The following CHL1 variants were observed in gnomAD, a reference collection of about 807,000 sequenced individuals.
CHL1 encodes the protein neural cell adhesion molecule L1-like protein.
Under a neutral mutation model 141.9 loss-of-function variants are expected in CHL1, and 96 were observed. The observed-to-expected ratio is 0.68, with a 90% CI of 0.57 to 0.80. The LOEUF is 0.80. CHL1 is among the 30% of genes least tolerant of loss of function. CHL1 has a pLI of 0.00. For synonymous variants in CHL1, 613 were observed against 502.2 expected (o/e 1.22, Z -2.95); for missense variants, 1,820 against 1,457.2 (o/e 1.25, Z -4.05).
intron 2 of CHL1, among the ~76,000 whole-genome samples, chr3:282,072 A>G (rs1696710167): frequency 6.6e-6 from 1 of 151,836 alleles, no homozygotes; most frequent in African/African-American, 2.4e-5. Context: ...TTATTCCTTC[A>G]TATCTGCCTT....
intron 16 of CHL1, among the ~76,000 whole-genome samples, chr3:379,535 C>T (rs1706765701): frequency 6.6e-6 from 1 of 152,068 alleles, no homozygotes; most frequent in East Asian, 1.9e-4. Context: ...TGTCAGGCTC[C>T]GTGCGCTTTG....
rs1697322671 is a variant in CHL1, at chr3:287,973, G to A, written c.-94-31710G>A. ...AGTAGAGATGGGGTTTTACCCTGTTGGCCAGGCTGGTCTCAAACTCCTGAC... is the reference window on the plus strand; with the variant it reads ...AGTAGAGATGGGGTTTTACCCTGTTAGCCAGGCTGGTCTCAAACTCCTGAC... On this transcript the variant is annotated intron_variant, in intron 2 of 27. Coordinates refer to ENST00000256509, the MANE Select transcript of CHL1 (RefSeq NM_006614.4). Among the ~76,000 whole-genome samples the A allele has an allele frequency of 1.3e-5, 2 of 152,156 alleles. 1 individual carries two copies. Among genetic ancestry groups the A allele is most frequent in the South Asian group, 4.1e-4 (2 of 4,832 alleles).
chr3:404,869 G>T (rs938946861), intron 27 of CHL1, among the ~76,000 whole-genome samples: 1 of 152,114 alleles, frequency 6.6e-6, no homozygotes, highest in African/African-American at 2.4e-5. Context: ...GCTTATAAAA[G>T]AACAGAAACT....
chr3:251,878 A>G (rs913234041), intron 2 of CHL1, among the ~76,000 whole-genome samples: 1 of 152,082 alleles, frequency 6.6e-6, no homozygotes, highest in Non-Finnish European at 1.5e-5. Context: ...TTAATTTCCC[A>G]TTATGGTTGG....
intron 19 of CHL1, chr3:384,638 A>G: frequency 6.6e-6 from 1 of 152,180 alleles, no homozygotes; most frequent in East Asian, 1.9e-4. Context: ...TCTCTCTACT[A>G]CTTGGATGTA....
At chr3:371,867 C>A (rs1705678120) in intron 15 of CHL1, among the ~76,000 whole-genome samples, 1 of 152,096 alleles carries the variant, frequency 6.6e-6, no homozygotes, top group Admixed American at 6.5e-5. Flanking sequence ...ACTTGTGAAG[C>A]TTAGTTTGAC....
At chr3:211,322 A>C (rs1007055489) in intron 1 of CHL1, among the ~76,000 whole-genome samples, 1 of 152,216 alleles carries the variant, frequency 6.6e-6, no homozygotes, top group Non-Finnish European at 1.5e-5. Context: ...AAAGGAGACT[A>C]GCGTGTGGCT....
Position 343,435 on chromosome 3 carries a change from G to C in CHL1, c.727+404G>C, listed in dbSNP as rs142009876. Among the ~76,000 whole-genome samples the C allele has an allele frequency of 1.2e-4, 19 of 152,228 alleles. 1 individual carries two copies. The highest frequency in any genetic ancestry group is 5.8e-4 in the East Asian group (3 of 5,184). Reference sequence around the variant, plus strand: ...GTTAAGTGGATTTTTTTCTTGCAAGGCTTTTTGAAATATTTGACATGCAAC... The same window carrying C: ...GTTAAGTGGATTTTTTTCTTGCAAGCCTTTTTGAAATATTTGACATGCAAC... On this transcript the variant is annotated intron_variant, in intron 8 of 27. Transcript: ENST00000256509.
chr3:273,550 G>T (rs1013696342), intron 2 of CHL1, among the ~76,000 whole-genome samples: 1 of 151,838 alleles, frequency 6.6e-6, no homozygotes, highest in African/African-American at 2.4e-5. Flanking sequence ...ATCAATATTT[G>T]CTTGGAGCTA....
chr3:268,108 T>C (rs907964446), intron 2 of CHL1, among the ~76,000 whole-genome samples: 1 of 152,238 alleles, frequency 6.6e-6, no homozygotes, highest in African/African-American at 2.4e-5. Flanking sequence ...GTTCAATAGA[T>C]ACAATCCTTT....
At chr3:302,149 G>C (rs1004905117) in intron 2 of CHL1, among the ~76,000 whole-genome samples, 1 of 152,304 alleles carries the variant, frequency 6.6e-6, no homozygotes. Context: ...GTCTATCACT[G>C]ATGGACATTT....
chr3:279,959 A>G (rs1696488811), intron 2 of CHL1, among the ~76,000 whole-genome samples: 1 of 152,178 alleles, frequency 6.6e-6, no homozygotes, highest in African/African-American at 2.4e-5. Context: ...GTATAAAACC[A>G]CTGTAGGAAA....
At chr3:392,113 G>A (rs189531032) in intron 23 of CHL1, among the ~76,000 whole-genome samples, 7 of 152,292 alleles carry the variant, frequency 4.6e-5, no homozygotes, top group East Asian at 1.9e-4. Flanking sequence ...AATGTTTACC[G>A]TCTGGCCCTT....
At chr3:244,332 G>T (rs2125108776) in intron 1 of CHL1, among the ~76,000 whole-genome samples, 1 of 152,302 alleles carries the variant, frequency 6.6e-6, no homozygotes. Context: ...ATTCATGAGA[G>T]AAGACACATC....
At chr3:215,671 T>A (rs1700258913) in intron 1 of CHL1, among the ~76,000 whole-genome samples, 1 of 152,206 alleles carries the variant, frequency 6.6e-6, no homozygotes, top group Non-Finnish European at 1.5e-5. Flanking sequence ...TGTGTATCAA[T>A]TAAAAACACA....
chr3:394,615 A>G (rs1708515937), intron 23 of CHL1, 78 bp from the exon 24 acceptor site: 2 of 1,020,768 alleles, frequency 2.0e-6, no homozygotes, highest in East Asian at 2.4e-5. Context: ...CACAAGCATA[A>G]GGAGAAATGA....
chr3:326,351 A>G (rs1226022527), intron 4 of CHL1, among the ~76,000 whole-genome samples: 1 of 152,096 alleles, frequency 6.6e-6, no homozygotes, highest in East Asian at 1.9e-4. Context: ...CTACAAATAA[A>G]TAAGGTAGCT....
At chr3:389,021 G>A (rs1384474033) in intron 19 of CHL1, among the ~76,000 whole-genome samples, 3 of 140,976 alleles carry the variant, frequency 2.1e-5, no homozygotes, top group African/African-American at 7.7e-5. Context: ...CCAGGCATCT[G>A]ATTGTAGGCT....
chr3:400,545 A>G (rs1225543128), intron 26 of CHL1, among the ~76,000 whole-genome samples: 1 of 145,698 alleles, frequency 6.9e-6, no homozygotes, highest in Non-Finnish European at 1.5e-5. Flanking sequence ...CTCTGCATGT[A>G]GTCGTAAAAT....
Sources: gnomAD v4.1 joint callset for allele counts (sites outside exome capture counted in the v4.1 genomes callset) on GRCh38, gnomAD v4.1.1 for gene constraint, MANE v1.5 for transcripts, NCBI Gene and HGNC (gene_info 2026-07-23, HGNC 2026-07-21) for gene names.